Variants in SCHIP1 observed in about 807,000 individuals in gnomAD.
The protein encoded by SCHIP1 is schwannomin-interacting protein 1.
Under a neutral mutation model 29.7 loss-of-function variants are expected in SCHIP1, and 8 were observed. The ratio of observed to expected loss-of-function variants is 0.27; its 90% CI spans 0.16 to 0.49. The LOEUF (loss-of-function observed/expected upper bound fraction) is 0.49, where lower values mean the gene tolerates loss of function less well. SCHIP1 is among the 20% of genes least tolerant of loss of function. The pLI is 0.99. For missense variants in SCHIP1, 193 were observed against 294.6 expected (o/e 0.66, Z 2.52); for synonymous variants, 76 against 94.9 (o/e 0.80, Z 1.16).
At chr3:159,536,284 C>T in the SCHIP1 span, among the ~76,000 whole-genome samples, 1 of 152,290 alleles carries the variant, frequency 6.6e-6, no homozygotes, top group African/African-American at 2.4e-5. Flanking sequence ...AGTTAAATCA[C>T]CTCCCATCAC....
At chr3:159,765,102 A>G in the SCHIP1 span, 2 of 1,571,720 alleles carry the variant, frequency 1.3e-6, no homozygotes, top group South Asian at 1.2e-5. Context: ...AGCAGGAGGT[A>G]CGGAACCAGG....
the SCHIP1 span, among the ~76,000 whole-genome samples, chr3:159,508,925 T>TAAGA: frequency 6.6e-6 from 1 of 152,246 alleles, no homozygotes; most frequent in Non-Finnish European, 1.5e-5. Context: ...AGTGTGGTGC[T>TAAGA]AAGAAGAATG....
chr3:159,340,318 T>C, the SCHIP1 span, among the ~76,000 whole-genome samples: 1 of 152,086 alleles, frequency 6.6e-6, no homozygotes, highest in Non-Finnish European at 1.5e-5. Flanking sequence ...AATGATGTGA[T>C]TTTTCTCATT....
the SCHIP1 span, among the ~76,000 whole-genome samples, chr3:159,628,723 C>T: frequency 6.6e-6 from 1 of 152,180 alleles, no homozygotes; most frequent in African/African-American, 2.4e-5. Flanking sequence ...TATTAACAGG[C>T]ATTTTCTATG....
At chr3:159,727,062 A>T in the SCHIP1 span, among the ~76,000 whole-genome samples, 4 of 152,332 alleles carry the variant, frequency 2.6e-5, no homozygotes, top group African/African-American at 9.6e-5. Flanking sequence ...TCTATGAACT[A>T]ATGTCATTAA....
the SCHIP1 span, among the ~76,000 whole-genome samples, chr3:159,650,799 C>G: frequency 1.3e-5 from 2 of 152,138 alleles, no homozygotes; most frequent in Non-Finnish European, 2.9e-5. Flanking sequence ...CTTTATTGCA[C>G]TGGAACGAGG....
chr3:159,411,977 C>A, the SCHIP1 span, among the ~76,000 whole-genome samples: 7 of 152,252 alleles, frequency 4.6e-5, no homozygotes, highest in Admixed American at 4.6e-4. Flanking sequence ...TCTCTTAATG[C>A]AACTATCAAT....
chr3:159,827,723 T>G, the SCHIP1 span, among the ~76,000 whole-genome samples: 1 of 150,366 alleles, frequency 6.7e-6, no homozygotes, highest in Non-Finnish European at 1.5e-5. Flanking sequence ...GAGAATGGCG[T>G]GAACCCGGGA....
intron 1 of SCHIP1, among the ~76,000 whole-genome samples, chr3:159,843,689 G>C (rs1474489685): frequency 6.6e-6 from 1 of 151,934 alleles, no homozygotes; most frequent in Non-Finnish European, 1.5e-5. Context: ...CGGCCAAGGT[G>C]GCGGGCACCT....
the SCHIP1 span, among the ~76,000 whole-genome samples, chr3:159,744,326 G>A: frequency 1.2e-4 from 19 of 152,270 alleles, no homozygotes; most frequent in African/African-American, 4.3e-4. Context: ...ACTTTAAAAT[G>A]TTGCCAAAAT....
chr3:159,842,074 T>G (rs1331749407), intron 1 of SCHIP1, among the ~76,000 whole-genome samples: 2 of 152,154 alleles, frequency 1.3e-5, no homozygotes, highest in Non-Finnish European at 2.9e-5. Context: ...AGTCCTTAGC[T>G]TGATGTTTGT....
At chr3:159,585,452 A>G in the SCHIP1 span, among the ~76,000 whole-genome samples, 4 of 152,112 alleles carry the variant, frequency 2.6e-5, no homozygotes, top group South Asian at 6.2e-4. Flanking sequence ...ATGTTGTTCC[A>G]TGTGCTACTT....
chr3:159,442,505 GT>G, the SCHIP1 span, among the ~76,000 whole-genome samples: 1 of 152,166 alleles, frequency 6.6e-6, no homozygotes, highest in Non-Finnish European at 1.5e-5. Flanking sequence ...GCATCCAGTG[GT>G]TTTTTCAGCG....
the SCHIP1 span, among the ~76,000 whole-genome samples, chr3:159,452,270 G>C: frequency 1.3e-5 from 2 of 151,564 alleles, no homozygotes; most frequent in African/African-American, 4.8e-5. Flanking sequence ...ACATGAATTA[G>C]GTATTTGTCT....
chr3:159,882,902 A>G (rs1716588552), intron 2 of SCHIP1, among the ~76,000 whole-genome samples: 1 of 152,176 alleles, frequency 6.6e-6, no homozygotes, highest in Non-Finnish European at 1.5e-5. Context: ...GCCAGTAGGC[A>G]CTGTCACACT....
the SCHIP1 span, among the ~76,000 whole-genome samples, chr3:159,615,158 G>A: frequency 1.3e-5 from 2 of 152,190 alleles, no homozygotes; most frequent in Non-Finnish European, 2.9e-5. Flanking sequence ...AGAAGGTACA[G>A]AGGGACAAAT....
At chr3:159,532,975 T>C in the SCHIP1 span, among the ~76,000 whole-genome samples, 2 of 152,178 alleles carry the variant, frequency 1.3e-5, no homozygotes, top group Non-Finnish European at 2.9e-5. Context: ...GAAAAGACAA[T>C]ACAAAGTGTT....
intron 2 of SCHIP1, among the ~76,000 whole-genome samples, chr3:159,885,456 C>T (rs535482929): frequency 6.1e-4 from 93 of 152,330 alleles, no homozygotes; most frequent in Admixed American, 9.2e-4. Flanking sequence ...GCCAGGTTAC[C>T]CTTTGTGACT....
chr3:159,839,178 T>C (rs1743962441), upstream of SCHIP1, among the ~76,000 whole-genome samples: 1 of 152,064 alleles, frequency 6.6e-6, no homozygotes, highest in South Asian at 2.1e-4. Flanking sequence ...CCAGAATTAC[T>C]CTGTCTCAGG....
Sources: allele counts gnomAD v4.1 joint callset (sites outside exome capture counted in the v4.1 genomes callset), GRCh38; gene constraint gnomAD v4.1.1; transcripts MANE v1.5; gene names NCBI Gene and HGNC (gene_info 2026-07-23, HGNC 2026-07-21).